The following RARB variants were observed in gnomAD, a reference collection of about 807,000 sequenced individuals.
The protein encoded by RARB is retinoic acid receptor beta.
Under a neutral mutation model 51.9 loss-of-function variants are expected in RARB, and 17 were observed. That is an observed-to-expected ratio of 0.33 (90% CI 0.22 to 0.49). RARB has a LOEUF of 0.49. RARB is among the 20% of genes least tolerant of loss of function. The pLI is 0.99. For missense variants in RARB, 369 were observed against 550.8 expected (o/e 0.67, Z 3.30); for synonymous variants, 215 against 195.4 (o/e 1.10, Z -0.84).
chr3:25,428,819 G>C lies in RARB; in HGVS notation c.88G>C (p.Glu30Gln). 1 of 1,614,086 alleles carries C rather than the reference G, an allele frequency of 6.2e-7. No individual in the cohort carries two copies. The highest frequency in any genetic ancestry group is 8.5e-7 in the Non-Finnish European group (1 of 1,180,018). ...TASPSSCMLQEKALKACFSGL... is the reference protein window; with the variant it reads ...TASPSSCMLQQKALKACFSGL... The stretch of plus-strand genomic sequence containing the variant: ...GAGTCCGTCTTCCTGCATGCTCCAG[G>C]AGAAAGCTCTCAAAGCATGCTTCAG... The change falls in exon 1 of 8, where the codon GAG becomes CAG. Residue 30 changes from glutamate to glutamine, a missense_variant. Glu to Gln is a conservative substitution (Grantham distance 29). This residue lies in a region of RARB where 99 missense variants were observed against 95.1 expected (regional missense o/e 1.04). Coordinates refer to ENST00000330688, the MANE Select transcript of RARB (RefSeq NM_000965.5).
intron 2 of RARB, among the ~76,000 whole-genome samples, chr3:25,057,808 A>AT (rs903612172): frequency 1.1e-4 from 17 of 151,578 alleles, no homozygotes; most frequent in African/African-American, 2.9e-4. Context: ...AATAAATTGA[A>AT]TTTTTTTTTA....
rs189110550 is a variant in RARB at position 25,120,761 on chromosome 3, C to T, written c.-327-11400C>T. 2.6e-5 allele frequency among the ~76,000 whole-genome samples: 4 copies of T among 152,208 alleles called. No homozygotes were observed. In the East Asian group the frequency reaches 7.7e-4, roughly 29 times the overall value. ...GAATGACCTACGGAGACTTCATAAGCAATATGAGGCTTTTTGTCTTAAAGA... is the reference window on the plus strand; with the variant it reads ...GAATGACCTACGGAGACTTCATAAGTAATATGAGGCTTTTTGTCTTAAAGA... On this transcript the variant is annotated intron_variant, in intron 3 of 11. Transcript: ENST00000383772.
intron 5 of RARB, among the ~76,000 whole-genome samples, chr3:25,295,501 G>C (rs1036752909): frequency 6.6e-6 from 1 of 152,162 alleles, no homozygotes; most frequent in African/African-American, 2.4e-5. Flanking sequence ...CATTGTTTAT[G>C]TATTACCCAG....
chr3:25,091,450 A>G (rs1699197222), intron 3 of RARB, among the ~76,000 whole-genome samples: 1 of 152,192 alleles, frequency 6.6e-6, no homozygotes, highest in African/African-American at 2.4e-5. Context: ...TTCCTAGGAA[A>G]TAGCGGCTTC....
intron 2 of RARB, among the ~76,000 whole-genome samples, chr3:25,022,062 TAA>T (rs984138338): frequency 4.6e-5 from 7 of 152,294 alleles, no homozygotes; most frequent in Admixed American, 4.6e-4. Flanking sequence ...GGTAAAATCC[TAA>T]GAGAGATAAG....
In RARB at chr3:24,908,008, G is replaced by C. The variant is rs373605747; in HGVS notation, c.-380+49256G>C. ...TAATGAAGGTCACCGGAGTGAGGGGGTTTTGTTATCTTTATCAACATCCCA... is the reference window on the plus strand; with the variant it reads ...TAATGAAGGTCACCGGAGTGAGGGGCTTTTGTTATCTTTATCAACATCCCA... On this transcript the variant is annotated intron_variant, in intron 2 of 11. Coordinates refer to the RARB transcript ENST00000383772. 3.2e-4 allele frequency among the ~76,000 whole-genome samples: 49 copies of C among 152,200 alleles called. 1 individual carries two copies. In the South Asian group the frequency reaches 1.0e-2, roughly 31 times the overall value.
chr3:25,028,343 T>C (rs945830802), intron 2 of RARB, among the ~76,000 whole-genome samples: 1 of 152,222 alleles, frequency 6.6e-6, no homozygotes, highest in Non-Finnish European at 1.5e-5. Flanking sequence ...TCAGGCTTTC[T>C]CTCATTCTTG....
At chr3:25,230,732 C>T (rs1702158118) in intron 5 of RARB, among the ~76,000 whole-genome samples, 2 of 152,046 alleles carry the variant, frequency 1.3e-5, no homozygotes, top group African/African-American at 4.8e-5. Context: ...TACATGCTTC[C>T]AAACTCCAGG....
chr3:25,427,297 A>G (rs770360430), upstream of RARB, among the ~76,000 whole-genome samples: 2 of 152,146 alleles, frequency 1.3e-5, no homozygotes, highest in Non-Finnish European at 2.9e-5. Flanking sequence ...TTGTTCCATG[A>G]TATTTACCCA....
At chr3:25,101,388 G>A (rs79652314) in intron 3 of RARB, among the ~76,000 whole-genome samples, 7,208 of 152,130 alleles carry the variant, frequency 0.047, 302 homozygotes, top group African/African-American at 0.11. Flanking sequence ...CTCAACATAA[G>A]CACCTATGAG....
At chr3:24,997,150 C>CAG (rs1697058963) in intron 2 of RARB, among the ~76,000 whole-genome samples, 1 of 151,754 alleles carries the variant, frequency 6.6e-6, no homozygotes, top group South Asian at 2.1e-4. Flanking sequence ...GCATTGGGTG[C>CAG]ATATATGTAT....
At chr3:25,449,834 C>G (rs1467474649) in intron 1 of RARB, among the ~76,000 whole-genome samples, 1 of 151,758 alleles carries the variant, frequency 6.6e-6, no homozygotes, top group Non-Finnish European at 1.5e-5. Context: ...TCACTGCAAC[C>G]TCCACCTCCT....
chr3:24,849,672 G>T (rs1478695369), intron 1 of RARB, among the ~76,000 whole-genome samples: 1 of 152,166 alleles, frequency 6.6e-6, no homozygotes, highest in African/African-American at 2.4e-5. Flanking sequence ...AAAGCACATC[G>T]CAGCATTCTT....
At position 25,537,670 on chromosome 3, in the gene RARB, T is replaced by TG. The variant is rs763585967; in HGVS notation, c.449-32085dup. On this transcript the variant is annotated intron_variant, in intron 3 of 7. Transcript: ENST00000330688. ...CCTTTTATAAGGAGGCTCTCTTCTA[T>TG]GGGCCCAACTCTGAATCATGATGCC... Among the ~76,000 whole-genome samples, 333 of 152,304 alleles carry TG rather than the reference T, an allele frequency of 2.2e-3. 1 individual carries two copies. Among genetic ancestry groups the TG allele is most frequent in the Non-Finnish European group, 1.9e-3 (127 of 68,028 alleles).
At chr3:25,540,731 G>A (rs1433016636) in intron 3 of RARB, among the ~76,000 whole-genome samples, 1 of 152,328 alleles carries the variant, frequency 6.6e-6, no homozygotes, top group Non-Finnish European at 1.5e-5. Context: ...GGAGGAGTGA[G>A]AGAGAGATCA....
At chr3:24,960,317 A>C (rs1575092435) in intron 2 of RARB, among the ~76,000 whole-genome samples, 1 of 152,176 alleles carries the variant, frequency 6.6e-6, no homozygotes, top group East Asian at 1.9e-4. Flanking sequence ...TACCTGCTTA[A>C]AGTAAGTTAT....
At chr3:25,525,663 C>A (rs1698614716) in intron 3 of RARB, among the ~76,000 whole-genome samples, 2 of 152,168 alleles carry the variant, frequency 1.3e-5, no homozygotes, top group African/African-American at 4.8e-5. Flanking sequence ...AGGGTAGACA[C>A]AGGCAGATAA....
At chr3:25,509,832 C>T (rs569677065) in intron 3 of RARB, among the ~76,000 whole-genome samples, 10 of 152,266 alleles carry the variant, frequency 6.6e-5, no homozygotes, top group African/African-American at 2.4e-4. Flanking sequence ...TTCCCCTTCC[C>T]CGTCCTCCCA....
At chr3:25,130,471 A>G (rs962005707) in intron 3 of RARB, among the ~76,000 whole-genome samples, 3 of 151,804 alleles carry the variant, frequency 2.0e-5, no homozygotes, top group African/African-American at 7.3e-5. Flanking sequence ...AAGACTGAGC[A>G]TGTTGTCATT....
Sources: allele counts gnomAD v4.1 joint callset (sites outside exome capture counted in the v4.1 genomes callset), GRCh38; gene constraint gnomAD v4.1.1; regional missense constraint gnomAD v4.1.1; transcripts MANE v1.5; gene names NCBI Gene and HGNC (gene_info 2026-07-23, HGNC 2026-07-21).